The following DAPP1 variants were observed in gnomAD, a reference collection of about 807,000 sequenced individuals.
DAPP1 encodes dual adaptor of phosphotyrosine and 3-phosphoinositides 1.
In DAPP1, 20 loss-of-function variants were observed where a neutral mutation model predicts 41.5. The ratio of observed to expected loss-of-function variants is 0.48; its 90% CI spans 0.34 to 0.70. The LOEUF (loss-of-function observed/expected upper bound fraction) is 0.70. Ranked by LOEUF, DAPP1 falls within the 30% of genes least tolerant of loss-of-function variation. The probability of loss-of-function intolerance (pLI) is 0.01; values close to 1 mark genes in which losing one functional copy is unlikely to be tolerated. For missense variants in DAPP1, 233 were observed against 333.4 expected, an observed-to-expected ratio of 0.70 and a Z score of 2.35; for synonymous variants, 113 against 116.2, an observed-to-expected ratio of 0.97 and a Z score of 0.18.
intron 8 of DAPP1, chr4:99,866,412 T>C (rs1724459627): frequency 1.5e-6 from 1 of 678,414 alleles, no homozygotes; most frequent in Non-Finnish European, 2.6e-6. Flanking sequence ...TTCAGTTTTG[T>C]CTGGAGGGGG....
At chr4:99,856,097 T>A (rs1460385473) in intron 4 of DAPP1, among the ~76,000 whole-genome samples, 1 of 147,768 alleles carries the variant, frequency 6.8e-6, no homozygotes, top group African/African-American at 2.5e-5. Context: ...TTAAACAAAC[T>A]TTTTTTTTTT....
At chr4:99,819,596 C>A (rs1722699592) in intron 1 of DAPP1, among the ~76,000 whole-genome samples, 1 of 152,144 alleles carries the variant, frequency 6.6e-6, no homozygotes, top group Non-Finnish European at 1.5e-5. Context: ...GATAGAATCT[C>A]TACCAAACCT....
intron 1 of DAPP1, among the ~76,000 whole-genome samples, chr4:99,828,201 CT>C (rs1723006324): frequency 6.6e-6 from 1 of 152,200 alleles, no homozygotes; most frequent in African/African-American, 2.4e-5. Flanking sequence ...TTGGTCCATA[CT>C]TTAAGTAGCA....
At chr4:99,852,639 A>T (rs1173564440) in intron 3 of DAPP1, among the ~76,000 whole-genome samples, 2 of 152,170 alleles carry the variant, frequency 1.3e-5, no homozygotes, top group African/African-American at 4.8e-5. Context: ...GGTTACTTTC[A>T]TTAATTGGGT....
Position 99,863,081 on chromosome 4 carries a change from CATG to C in DAPP1, c.600+12_600+14del. ...ACTTCAAAGACCAGATGGTGAGAAA[CATG>C]ATAATATATTTTTCCTTTAAAAATC... On this transcript the variant is annotated intron_variant, in intron 6 of 8. Coordinates refer to ENST00000512369, the MANE Select transcript of DAPP1 (RefSeq NM_014395.3). 1.3e-6 allele frequency: 2 copies of C among 1,545,882 alleles called. No individual in the cohort carries two copies. The highest frequency in any genetic ancestry group is 1.2e-5 in the South Asian group (1 of 81,146).
chr4:99,868,296 A>G lies in DAPP1; in HGVS notation c.*111A>G. 1.0e-6 allele frequency: 1 copy of G among 996,796 alleles called. No individual in the cohort carries two copies. Among genetic ancestry groups the G allele is most frequent in the Non-Finnish European group, 1.5e-6 (1 of 650,322 alleles). 61.7% of individuals were successfully genotyped at this position (996,796 alleles called of 1,614,324 possible). A position where few individuals can be genotyped will look rare whatever the true frequency, so the allele number is the denominator to read the frequency against. On this transcript the variant is annotated 3_prime_UTR_variant, in exon 9 of 9. Transcript: ENST00000512369. ...AACCGACTAAGGATTTTCTTTCAAA[A>G]ACAAATCAGAAGCAGATGCTGATTG...
At chr4:99,831,869 C>T (rs532134476) in intron 1 of DAPP1, among the ~76,000 whole-genome samples, 2 of 152,164 alleles carry the variant, frequency 1.3e-5, no homozygotes, top group South Asian at 4.1e-4. Context: ...ATTTGAAACA[C>T]ATCTTTCCTC....
chr4:99,823,224 C>T (rs902503533), intron 1 of DAPP1, among the ~76,000 whole-genome samples: 2 of 152,008 alleles, frequency 1.3e-5, no homozygotes, highest in African/African-American at 4.8e-5. Flanking sequence ...ATTATTCTAC[C>T]TGAAATATGG....
intron 4 of DAPP1, among the ~76,000 whole-genome samples, chr4:99,854,284 G>A (rs1394379395): frequency 2.6e-5 from 4 of 152,166 alleles, no homozygotes; most frequent in Middle Eastern, 3.4e-3. Context: ...CCTTCTATTT[G>A]TTGTCTCTTC....
chr4:99,839,597 G>C (rs749842542), intron 2 of DAPP1, among the ~76,000 whole-genome samples: 10 of 152,068 alleles, frequency 6.6e-5, no homozygotes, highest in South Asian at 4.1e-4. Flanking sequence ...AAACAAGCAA[G>C]GGAGAAAAGC....
At chr4:99,844,265 C>T (rs1479621472) in intron 3 of DAPP1, 3 of 152,186 alleles carry the variant, frequency 2.0e-5, no homozygotes, top group African/African-American at 7.2e-5. Flanking sequence ...CCAGGCTCCT[C>T]CCCACTGCAA....
intron 1 of DAPP1, among the ~76,000 whole-genome samples, chr4:99,827,563 A>AAAAAAAAAAAAAAAAAAAAAAC (rs1722980310): frequency 6.6e-6 from 1 of 151,442 alleles, no homozygotes; most frequent in African/African-American, 2.4e-5. Context: ...ACAAAACAAA[A>AAAAAAAAAAAAAAAAAAAAAAC]AACACCATCA....
chr4:99,850,239 G>A (rs535475029), intron 3 of DAPP1, among the ~76,000 whole-genome samples: 1 of 152,070 alleles, frequency 6.6e-6, no homozygotes, highest in Non-Finnish European at 1.5e-5. Flanking sequence ...ACGAAACCCC[G>A]TCTCTACTGA....
At chr4:99,861,703 A>G (rs1488887231) in intron 5 of DAPP1, 78 bp downstream of exon 5, 2 of 1,478,750 alleles carry the variant, frequency 1.4e-6, no homozygotes, top group Non-Finnish European at 9.2e-7. Context: ...TCATCTTGAT[A>G]GTTTTTCTTG....
intron 1 of DAPP1, among the ~76,000 whole-genome samples, chr4:99,832,521 A>G (rs914275456): frequency 6.6e-6 from 1 of 152,214 alleles, no homozygotes; most frequent in African/African-American, 2.4e-5. Context: ...GGAAAGCTCT[A>G]TACTGGGCTT....
intron 7 of DAPP1, chr4:99,865,543 T>C (rs900154090): frequency 1.3e-5 from 2 of 152,166 alleles, no homozygotes; most frequent in African/African-American, 4.8e-5. Context: ...GTTATCCTCG[T>C]TGAAGCAAGC....
Position 99,835,625 on chromosome 4 carries a change from G to A in DAPP1, c.104G>A (p.Trp35Ter). ...AAGCGCTGTTCCCTCCTTTCTAGGT[G>A]GTATCACGGCAACCTCACACGCCAT... ...GEAELLQDLG[W>*]YHGNLTRHAA... The change falls in exon 2 of 9, where the codon TGG becomes TAG. Residue 35 changes from tryptophan (W) to a stop codon, truncating the protein, a stop_gained and splice_region_variant. Transcript: ENST00000512369. LOFTEE classifies it high-confidence loss of function. The A allele has an allele frequency of 6.2e-7, 1 of 1,612,864 alleles. No homozygotes were observed. The highest frequency in any genetic ancestry group is 8.5e-7 in the Non-Finnish European group (1 of 1,179,742).
chr4:99,857,701 T>TACACACACAC (rs140943788), intron 4 of DAPP1, among the ~76,000 whole-genome samples: 28 of 143,020 alleles, frequency 2.0e-4, no homozygotes, highest in African/African-American at 4.3e-4. Flanking sequence ...TGTATGTATA[T>TACACACACAC]ACACACACAC....
At position 99,868,223 on chromosome 4, in the gene DAPP1, G is replaced by A. The variant is rs751381196; in HGVS notation, c.*38G>A. The A allele has an allele frequency of 5.8e-6, 9 of 1,558,774 alleles. No homozygotes were observed. Among genetic ancestry groups the A allele is most frequent in the Admixed American group, 3.3e-5 (2 of 59,764 alleles). On this transcript the variant is annotated 3_prime_UTR_variant, in exon 9 of 9. Coordinates refer to ENST00000512369, the MANE Select transcript of DAPP1 (RefSeq NM_014395.3). ...AAGGAATGCTCTGGCCCAGGAGCAA[G>A]GTGGAATGTTTCCCTGACGCTGTGA...
Sources: allele counts gnomAD v4.1 joint callset (sites outside exome capture counted in the v4.1 genomes callset), GRCh38; gene constraint gnomAD v4.1.1; transcripts MANE v1.5; gene names NCBI Gene and HGNC (gene_info 2026-07-23, HGNC 2026-07-21).